Variants in FRMD5 observed in about 807,000 individuals in gnomAD.
FRMD5 encodes FERM domain containing 5, also known as FERM domain-containing protein 5.
In FRMD5, 20 loss-of-function variants were observed where a neutral mutation model predicts 69.0. The ratio of observed to expected loss-of-function variants is 0.29; its 90% CI spans 0.20 to 0.42. The LOEUF is 0.42. FRMD5 is among the 10% of genes least tolerant of loss of function. The pLI, the probability that FRMD5 is intolerant of heterozygous loss-of-function variation, is 1.00. For missense variants in FRMD5, 595 were observed against 708.6 expected, an observed-to-expected ratio of 0.84 and a Z score of 1.82; for synonymous variants, 271 against 260.1, an observed-to-expected ratio of 1.04 and a Z score of -0.40.
At chr15:43,945,545 G>A (rs28542819) in intron 1 of FRMD5, among the ~76,000 whole-genome samples, 15,651 of 152,040 alleles carry the variant, frequency 0.1, 1,187 homozygotes, top group African/African-American at 0.21. Context: ...TAGGTCCTGG[G>A]TACCTGAGCC....
chr15:43,874,384 A>T lies in FRMD5; in HGVS notation c.1214T>A (p.Val405Glu), dbSNP rs1024850611. ...ATTGCTATCTGTCCGGCTGCTTCTC[A>T]CGTGAGGCAGGAAGGTGTCCCCATG... ...TSHGDTFLPHVRSSRTDSNER... is the reference protein window; with the variant it reads ...TSHGDTFLPHERSSRTDSNER... Residue 405 changes from valine to glutamate, a missense_variant, in exon 14 of 14, where the codon GTG becomes GAG. Val to Glu is a moderately radical substitution (Grantham distance 121). Around this residue, in one of 5 missense-constraint regions of FRMD5, gnomAD observed 245 missense variants for 227.1 expected, o/e 1.08. Transcript: ENST00000417257. The T allele has an allele frequency of 6.2e-7, 1 of 1,614,176 alleles. No homozygotes were observed. Among genetic ancestry groups the T allele is most frequent in the Non-Finnish European group, 8.5e-7 (1 of 1,180,036 alleles).
chr15:44,053,319 G>A (rs1222145091), intron 1 of FRMD5, among the ~76,000 whole-genome samples: 3 of 152,178 alleles, frequency 2.0e-5, no homozygotes, highest in South Asian at 2.1e-4. Flanking sequence ...AGAGCAATGG[G>A]AAGTTCTTGA....
rs2088177677 is a variant in FRMD5, at chr15:43,872,203, T to C, written c.*1682A>G. 1 of 152,184 alleles carries C rather than the reference T, an allele frequency of 6.6e-6. No homozygotes were observed. The highest frequency in any genetic ancestry group is 1.9e-4 in the East Asian group (1 of 5,202). 9.4% of individuals were successfully genotyped at this position (152,184 alleles called of 1,614,324 possible). A position where few individuals can be genotyped will look rare whatever the true frequency, so the allele number is the denominator to read the frequency against. On this transcript the variant is annotated 3_prime_UTR_variant, in exon 14 of 14. Coordinates refer to ENST00000417257, the MANE Select transcript of FRMD5 (RefSeq NM_032892.5). ...TCTGGTCCAGATGAAAGGATGTCTT[T>C]AAAATTATGCAAATCTCTCCCTAAG... is the stretch of plus-strand genomic sequence containing the variant.
chr15:43,959,879 T>C lies in FRMD5; in HGVS notation c.103-35570A>G, dbSNP rs16951321. ...TGATACTACTGAAAGGGCAAGTTATTTGCATCCACACGCTAAATTTTCTCA... is the reference window on the plus strand; with the variant it reads ...TGATACTACTGAAAGGGCAAGTTATCTGCATCCACACGCTAAATTTTCTCA... On this transcript the variant is annotated intron_variant, in intron 1 of 13. Transcript: ENST00000417257. Among the ~76,000 whole-genome samples, 1,085 of 152,318 alleles carry C rather than the reference T, an allele frequency of 7.1e-3. 17 individuals are homozygous for C. Among genetic ancestry groups the C allele is most frequent in the African/African-American group, 0.025 (1,029 of 41,560 alleles).
At chr15:43,892,777 A>C (rs1377769403) in intron 7 of FRMD5, among the ~76,000 whole-genome samples, 1 of 152,232 alleles carries the variant, frequency 6.6e-6, no homozygotes, top group Non-Finnish European at 1.5e-5. Context: ...AACCCTGTGA[A>C]TATACTAAAA....
chr15:44,137,364 T>C (rs1018537006), intron 1 of FRMD5, among the ~76,000 whole-genome samples: 3 of 152,226 alleles, frequency 2.0e-5, no homozygotes, highest in Non-Finnish European at 4.4e-5. Flanking sequence ...ATGCAGCCCA[T>C]GGCTGCAATT....
At chr15:43,931,451 C>G (rs879444995) in intron 1 of FRMD5, among the ~76,000 whole-genome samples, 9 of 152,316 alleles carry the variant, frequency 5.9e-5, no homozygotes, top group Admixed American at 1.3e-4. Context: ...CACACACATT[C>G]TCTAATACAG....
At chr15:43,958,897 A>T (rs2140532741) in intron 1 of FRMD5, among the ~76,000 whole-genome samples, 1 of 152,336 alleles carries the variant, frequency 6.6e-6, no homozygotes, top group African/African-American at 2.4e-5. Flanking sequence ...TTAGAAACAG[A>T]AACAAACAAG....
At chr15:43,964,982 G>A (rs372006246) in intron 1 of FRMD5, among the ~76,000 whole-genome samples, 7 of 152,244 alleles carry the variant, frequency 4.6e-5, no homozygotes, top group South Asian at 2.1e-4. Flanking sequence ...CAAAGAAAGA[G>A]GATATGACTG....
At chr15:43,885,318 G>A (rs112964438) in intron 11 of FRMD5, among the ~76,000 whole-genome samples, 132 of 152,198 alleles carry the variant, frequency 8.7e-4, no homozygotes, top group African/African-American at 2.8e-3. Context: ...GACTACAGGT[G>A]TGTGCCACCA....
chr15:43,896,907 G>A (rs1378717646), intron 7 of FRMD5, among the ~76,000 whole-genome samples: 1 of 152,200 alleles, frequency 6.6e-6, no homozygotes, highest in African/African-American at 2.4e-5. Flanking sequence ...GGAAGCTGAA[G>A]TCAGTCATGA....
intron 1 of FRMD5, among the ~76,000 whole-genome samples, chr15:43,943,011 G>A (rs2089887093): frequency 6.6e-6 from 1 of 152,192 alleles, no homozygotes. Flanking sequence ...GGAGGCCGAG[G>A]TGGGCAAATC....
At chr15:43,978,304 G>C (rs1475199522) in intron 1 of FRMD5, among the ~76,000 whole-genome samples, 1 of 152,168 alleles carries the variant, frequency 6.6e-6, no homozygotes, top group Non-Finnish European at 1.5e-5. Flanking sequence ...ACAGCTACTG[G>C]AATGGCTAAA....
chr15:44,143,561 A>G (rs115773334), intron 1 of FRMD5, among the ~76,000 whole-genome samples: 1,997 of 151,776 alleles, frequency 0.013, 42 homozygotes, highest in African/African-American at 0.046. Context: ...TTTAATTACA[A>G]AAACCCATTC....
At chr15:43,901,863 G>A (rs946976975) in intron 7 of FRMD5, 3 of 320,372 alleles carry the variant, frequency 9.4e-6, no homozygotes, top group Non-Finnish European at 1.7e-5. Context: ...GCCTCTGATC[G>A]TTCTCTGTGG....
At chr15:44,088,394 C>A (rs1894294387) in intron 1 of FRMD5, among the ~76,000 whole-genome samples, 1 of 152,094 alleles carries the variant, frequency 6.6e-6, no homozygotes, top group Non-Finnish European at 1.5e-5. Flanking sequence ...TTAATATAAA[C>A]AGAATCATAA....
intron 4 of FRMD5, among the ~76,000 whole-genome samples, chr15:43,911,115 G>A (rs984725929): frequency 1.3e-5 from 2 of 152,222 alleles, no homozygotes; most frequent in African/African-American, 2.4e-5. Context: ...GTAAGATTAT[G>A]AGGAGCATCA....
chr15:44,002,259 G>A (rs540144690), intron 1 of FRMD5, among the ~76,000 whole-genome samples: 2 of 152,176 alleles, frequency 1.3e-5, no homozygotes, highest in South Asian at 4.2e-4. Flanking sequence ...CATTGTTATT[G>A]GAGGCTCATT....
At chr15:44,074,836 T>C (rs1403352392) in intron 1 of FRMD5, among the ~76,000 whole-genome samples, 3 of 152,178 alleles carry the variant, frequency 2.0e-5, no homozygotes, top group Non-Finnish European at 4.4e-5. Context: ...AGGGGTACAA[T>C]ACCTCCTGCC....
Sources: allele counts gnomAD v4.1 joint callset (sites outside exome capture counted in the v4.1 genomes callset), GRCh38; gene constraint gnomAD v4.1.1; regional missense constraint gnomAD v4.1.1; transcripts MANE v1.5; gene names NCBI Gene and HGNC (gene_info 2026-07-23, HGNC 2026-07-21).